The following PTPN4 variants were observed in gnomAD, a reference collection of about 807,000 sequenced individuals.
PTPN4 encodes protein tyrosine phosphatase non-receptor type 4, also known as tyrosine-protein phosphatase non-receptor type 4.
PTPN4 carries 49 observed loss-of-function variants against 135.5 expected under a neutral mutation model. The observed-to-expected ratio is 0.36, with a 90% confidence interval of 0.29 to 0.46. PTPN4 has a LOEUF of 0.46. PTPN4 is among the 20% of genes least tolerant of loss of function. The pLI is 1.00. For missense variants in PTPN4, 860 were observed against 1,101.0 expected, an observed-to-expected ratio of 0.78 and a Z score of 3.10; for synonymous variants, 333 against 369.9, an observed-to-expected ratio of 0.90 and a Z score of 1.14.
In PTPN4 at chr2:119,760,072, G is replaced by A. The variant is rs1171152143; in HGVS notation, c.-330G>A. 1.6e-5 allele frequency: 6 copies of A among 384,282 alleles called. No homozygotes were observed. The highest frequency in any genetic ancestry group is 6.2e-5 in the African/African-American group (3 of 48,016). The allele number at this position is 384,282 out of a possible 1,614,324, so 23.8% of individuals were successfully genotyped here. On this transcript the variant is annotated 5_prime_UTR_variant, in exon 1 of 27. Transcript: ENST00000263708. ...AGACTTGGCTTTGGCCGCGGGGTCG[G>A]AGGATTGGGGCCAGGCCCCCTCCCC...
At chr2:119,835,511 C>G (rs549443962) in intron 2 of PTPN4, among the ~76,000 whole-genome samples, 2 of 152,120 alleles carry the variant, frequency 1.3e-5, no homozygotes, top group South Asian at 4.2e-4. Flanking sequence ...TTTCTGCCTT[C>G]TCTTATTAAT....
rs759764897 is a variant in PTPN4 at position 119,955,142 on chromosome 2, A to ATT, written c.1814-4_1814-3dup. The ATT allele has an allele frequency of 1.6e-4, 186 of 1,180,880 alleles. No homozygotes were observed. The highest frequency in any genetic ancestry group is 6.7e-4 in the South Asian group (44 of 65,664). The allele number at this position is 1,180,880 out of a possible 1,614,324, so 73.2% of individuals were successfully genotyped here. ...ATTTCCACGTTTTGGGGTTTGTTTGATTTTTTTTTTTTAGCTGTATATGAT... is the reference window on the plus strand; with the variant it reads ...ATTTCCACGTTTTGGGGTTTGTTTGATTTTTTTTTTTTTTAGCTGTATATGAT... On this transcript the variant is annotated splice_polypyrimidine_tract_variant and intron_variant, in intron 19 of 26. Transcript: ENST00000263708.
intron 3 of PTPN4, among the ~76,000 whole-genome samples, chr2:119,866,399 A>G (rs1171985933): frequency 6.6e-6 from 1 of 152,072 alleles, no homozygotes; most frequent in Non-Finnish European, 1.5e-5. Flanking sequence ...CTCTTTGCAT[A>G]GCTCCTAACC....
chr2:119,936,743 G>A (rs761530506), intron 15 of PTPN4, among the ~76,000 whole-genome samples: 3 of 152,144 alleles, frequency 2.0e-5, no homozygotes, highest in Non-Finnish European at 4.4e-5. Context: ...CCTGACTTGA[G>A]TGGAGAAGCG....
At chr2:119,762,653 G>A (rs1395207415) in intron 1 of PTPN4, among the ~76,000 whole-genome samples, 1 of 152,032 alleles carries the variant, frequency 6.6e-6, no homozygotes, top group African/African-American at 2.4e-5. Context: ...CCAGAAACGT[G>A]GAAATCTTGT....
At chr2:119,762,496 CG>C (rs1690526859) in intron 1 of PTPN4, among the ~76,000 whole-genome samples, 1 of 151,938 alleles carries the variant, frequency 6.6e-6, no homozygotes, top group Non-Finnish European at 1.5e-5. Flanking sequence ...ACTCTAAAAG[CG>C]GGATCAGTGA....
chr2:119,933,471 G>A (rs1413260194), intron 14 of PTPN4, among the ~76,000 whole-genome samples: 2 of 151,984 alleles, frequency 1.3e-5, no homozygotes, highest in East Asian at 3.9e-4. Flanking sequence ...TTAAGGTCAG[G>A]AGCTCAAGAC....
At chr2:119,901,767 G>A (rs1395681366) in intron 10 of PTPN4, among the ~76,000 whole-genome samples, 1 of 152,132 alleles carries the variant, frequency 6.6e-6, no homozygotes, top group African/African-American at 2.4e-5. Context: ...GGAAATGTAA[G>A]CACAGAGATG....
At chr2:119,773,735 CAA>C (rs59142325) in intron 1 of PTPN4, among the ~76,000 whole-genome samples, 78 of 108,340 alleles carry the variant, frequency 7.2e-4, no homozygotes, top group East Asian at 2.4e-3. Context: ...GACTCTGTCT[CAA>C]AAAAAAAAAA....
At chr2:119,761,945 G>A (rs1304156579) in intron 1 of PTPN4, among the ~76,000 whole-genome samples, 3 of 152,100 alleles carry the variant, frequency 2.0e-5, no homozygotes, top group Admixed American at 1.3e-4. Context: ...TAACATCTTA[G>A]CTTCAGAGCT....
rs191207567 is a variant in PTPN4, at chr2:119,982,714, G to C, written c.*5644G>C. On this transcript the variant is annotated 3_prime_UTR_variant, in exon 27 of 27. Coordinates refer to ENST00000263708, the MANE Select transcript of PTPN4 (RefSeq NM_002830.4). Reference sequence around the variant, plus strand: ...AACGTTGCCAGGCTTTGTCAAATGAGGACATTGTTGTGAGGGTGTGACTTT... The same window carrying C: ...AACGTTGCCAGGCTTTGTCAAATGACGACATTGTTGTGAGGGTGTGACTTT... The C allele has an allele frequency of 2.0e-5, 3 of 152,242 alleles. No individual in the cohort carries two copies. In the East Asian group the frequency reaches 5.8e-4, roughly 29 times the overall value. 9.4% of individuals were successfully genotyped at this position (152,242 alleles called of 1,614,324 possible).
chr2:119,855,331 A>G (rs1441808494), intron 2 of PTPN4, among the ~76,000 whole-genome samples: 1 of 152,190 alleles, frequency 6.6e-6, no homozygotes, highest in Admixed American at 6.5e-5. Flanking sequence ...TTTAAAAATA[A>G]CAAGTTGGGA....
chr2:119,823,733 G>T (rs1389310290), intron 2 of PTPN4, among the ~76,000 whole-genome samples: 1 of 152,204 alleles, frequency 6.6e-6, no homozygotes, highest in Non-Finnish European at 1.5e-5. Flanking sequence ...TACTGAGAGA[G>T]AGAGGCTGTA....
intron 2 of PTPN4, among the ~76,000 whole-genome samples, chr2:119,852,250 GAA>G (rs980230385): frequency 6.6e-6 from 1 of 151,860 alleles, no homozygotes; most frequent in Non-Finnish European, 1.5e-5. Context: ...CCCTATTTGG[GAA>G]AAAAAATTAG....
At position 119,945,243 on chromosome 2, in the gene PTPN4, A is replaced by G. The variant is rs1450004696; in HGVS notation, c.1515+3A>G. 1 of 1,528,074 alleles carries G rather than the reference A, an allele frequency of 6.5e-7. No homozygotes were observed. The highest frequency in any genetic ancestry group is 8.8e-7 in the Non-Finnish European group (1 of 1,140,588). The allele number at this position is 1,528,074 out of a possible 1,614,324, so 94.7% of individuals were successfully genotyped here. A position where few individuals can be genotyped will look rare whatever the true frequency, so the allele number is the denominator to read the frequency against. ...CATCTTCTCCTGAAAAACCCACTGT[A>G]AGTAGCTTCTTCAGATATTCTCATT... On this transcript the variant is annotated splice_donor_region_variant and intron_variant, in intron 16 of 26. Transcript: ENST00000263708.
chr2:119,903,951 A>T (rs1400503761), intron 10 of PTPN4, among the ~76,000 whole-genome samples: 1 of 152,246 alleles, frequency 6.6e-6, no homozygotes, highest in Non-Finnish European at 1.5e-5. Context: ...TACTGCACCC[A>T]TCCAGAATCA....
intron 2 of PTPN4, among the ~76,000 whole-genome samples, chr2:119,834,582 C>T (rs1233394395): frequency 1.3e-5 from 2 of 152,000 alleles, no homozygotes; most frequent in African/African-American, 2.4e-5. Context: ...GAAAGAATTT[C>T]CCCCTTCAGG....
chr2:119,935,735 C>T (rs1362287382), intron 15 of PTPN4, among the ~76,000 whole-genome samples: 2 of 152,072 alleles, frequency 1.3e-5, no homozygotes, highest in African/African-American at 4.8e-5. Flanking sequence ...TAATTCTAAA[C>T]TTTCCAGTTG....
At chr2:119,780,097 A>G (rs549184798) in intron 1 of PTPN4, among the ~76,000 whole-genome samples, 2 of 152,262 alleles carry the variant, frequency 1.3e-5, no homozygotes, top group Admixed American at 1.3e-4. Context: ...TTTGAATAAT[A>G]TCATGCCTAT....
Sources: gnomAD v4.1 joint callset for allele counts (sites outside exome capture counted in the v4.1 genomes callset) on GRCh38, gnomAD v4.1.1 for gene constraint, MANE v1.5 for transcripts, NCBI Gene and HGNC (gene_info 2026-07-23, HGNC 2026-07-21) for gene names.